Variants in FGF14 observed in about 807,000 individuals in gnomAD.
FGF14 encodes fibroblast growth factor 14.
In FGF14, 5 loss-of-function variants were observed where a neutral mutation model predicts 25.5. That is an observed-to-expected ratio of 0.20 (90% CI 0.10 to 0.41). FGF14 has a LOEUF of 0.41. Among genes scored for constraint, FGF14 ranks in the 10% least tolerant of loss-of-function variants. FGF14 has a pLI of 1.00. For synonymous variants in FGF14, 138 were observed against 118.3 expected, an observed-to-expected ratio of 1.17 and a Z score of -1.08; for missense variants, 222 against 320.1, an observed-to-expected ratio of 0.69 and a Z score of 2.34.
intron 1 of FGF14, among the ~76,000 whole-genome samples, chr13:101,883,458 C>T (rs2476222): frequency 0.34 from 51,528 of 151,984 alleles, 9,065 homozygotes; most frequent in African/African-American, 0.43. Flanking sequence ...GAGGCATTTA[C>T]TGTGAATCTA....
chr13:101,902,981 G>C (rs1347775607), intron 1 of FGF14, among the ~76,000 whole-genome samples: 1 of 152,160 alleles, frequency 6.6e-6, no homozygotes, highest in Non-Finnish European at 1.5e-5. Flanking sequence ...AAACTGGTTA[G>C]TATCCAGTGG....
intron 1 of FGF14, among the ~76,000 whole-genome samples, chr13:102,054,809 A>G (rs1240804392): frequency 6.6e-6 from 1 of 152,178 alleles, no homozygotes; most frequent in Non-Finnish European, 1.5e-5. Flanking sequence ...TTTTCTAGGT[A>G]GTTATCAGAG....
intron 1 of FGF14, among the ~76,000 whole-genome samples, chr13:102,375,841 A>G (rs1036174054): frequency 2.6e-5 from 4 of 152,238 alleles, no homozygotes; most frequent in Admixed American, 2.6e-4. Flanking sequence ...CTGCACATGT[A>G]AAATCAAAAA....
At chr13:101,805,953 T>C (rs1476636695) in intron 3 of FGF14, among the ~76,000 whole-genome samples, 2 of 152,028 alleles carry the variant, frequency 1.3e-5, no homozygotes, top group Admixed American at 6.6e-5. Context: ...AATTTAGGTA[T>C]ATAAATGTAT....
At chr13:101,879,613 T>C (rs1232965070) in intron 1 of FGF14, among the ~76,000 whole-genome samples, 2 of 152,304 alleles carry the variant, frequency 1.3e-5, no homozygotes, top group East Asian at 3.9e-4. Flanking sequence ...TGGAAAAATG[T>C]ACACTATGAC....
At chr13:102,048,513 G>C (rs1275628025) in intron 1 of FGF14, among the ~76,000 whole-genome samples, 2 of 152,150 alleles carry the variant, frequency 1.3e-5, no homozygotes, top group African/African-American at 4.8e-5. Flanking sequence ...TTAAGGCTTA[G>C]AAGTTCAGTG....
chr13:101,980,389 T>TGA (rs1403194379), intron 1 of FGF14, among the ~76,000 whole-genome samples: 1 of 151,824 alleles, frequency 6.6e-6, no homozygotes, highest in African/African-American at 2.4e-5. Flanking sequence ...TTTTCGATTA[T>TGA]GAGAGTGTTT....
intron 1 of FGF14, among the ~76,000 whole-genome samples, chr13:102,307,546 CT>C (rs1475934285): frequency 6.6e-6 from 1 of 152,054 alleles, no homozygotes. Flanking sequence ...TTTTTATGAA[CT>C]TTTAAGACTA....
chr13:102,095,999 GTGTA>G (rs201417066), intron 1 of FGF14, among the ~76,000 whole-genome samples: 6,550 of 89,524 alleles, frequency 0.073, 316 homozygotes, highest in Admixed American at 0.12. Context: ...GTGTGTGTGT[GTGTA>G]TATATATATA....
intron 3 of FGF14, among the ~76,000 whole-genome samples, chr13:101,848,871 T>C (rs1440797190): frequency 6.6e-6 from 1 of 152,070 alleles, no homozygotes; most frequent in Admixed American, 6.6e-5. Context: ...CTGTTTGGAA[T>C]TTAAAGAAAC....
At chr13:101,963,170 G>A (rs2036971829) in intron 1 of FGF14, among the ~76,000 whole-genome samples, 2 of 152,200 alleles carry the variant, frequency 1.3e-5, no homozygotes, top group South Asian at 4.1e-4. Context: ...AGAATGAAAT[G>A]TTGGTTTCTT....
chr13:101,944,008 A>C lies in FGF14; in HGVS notation c.209-68712T>G, dbSNP rs912664645. Among the ~76,000 whole-genome samples the C allele has an allele frequency of 4.6e-5, 6 of 131,252 alleles. No homozygotes were observed. The East Asian group carries it at 6.2e-4, about 14-fold the overall frequency. 86.1% of individuals were successfully genotyped at this position (131,252 alleles called of 152,430 possible). On this transcript the variant is annotated intron_variant, in intron 1 of 4. Transcript: ENST00000376131. The stretch of plus-strand genomic sequence containing the variant: ...AGTGAAACTCCGTCTCAAAAAAAAA[A>C]AAAAAACAAAAAAAAAACATGGTAA...
intron 1 of FGF14, among the ~76,000 whole-genome samples, chr13:102,275,081 T>G (rs1340789450): frequency 6.6e-6 from 1 of 152,054 alleles, no homozygotes. Context: ...TAGCACATAT[T>G]TGAAGCATTT....
chr13:101,819,750 A>C lies in FGF14; in HGVS notation c.408+48975T>G, dbSNP rs554682086. ...AATATGGATTTTTAGAATAGTTTTG[A>C]AGATACATGATAAATCAAATACATG... On this transcript the variant is annotated intron_variant, in intron 3 of 4. Transcript: ENST00000376143. Among the ~76,000 whole-genome samples, 154 of 152,328 alleles carry C rather than the reference A, an allele frequency of 1.0e-3. 1 individual carries two copies. Among genetic ancestry groups the C allele is most frequent in the African/African-American group, 3.5e-3 (144 of 41,582 alleles).
intron 1 of FGF14, among the ~76,000 whole-genome samples, chr13:102,184,464 A>G (rs911630720): frequency 3.3e-5 from 5 of 152,184 alleles, no homozygotes; most frequent in African/African-American, 9.7e-5. Flanking sequence ...GAGATTGATC[A>G]TGCTGATTGC....
chr13:102,127,770 A>C (rs2046009106), intron 1 of FGF14, among the ~76,000 whole-genome samples: 2 of 152,248 alleles, frequency 1.3e-5, no homozygotes, highest in Non-Finnish European at 2.9e-5. Context: ...GAATGAAGTG[A>C]CTAAAATAAA....
intron 1 of FGF14, among the ~76,000 whole-genome samples, chr13:102,086,525 G>C (rs1157116437): frequency 1.3e-5 from 2 of 151,318 alleles, no homozygotes; most frequent in Non-Finnish European, 2.9e-5. Flanking sequence ...GAGAGACTCC[G>C]TCTCAAAAAA....
intron 1 of FGF14, among the ~76,000 whole-genome samples, chr13:102,030,996 A>T (rs542118440): frequency 6.6e-6 from 1 of 152,122 alleles, no homozygotes; most frequent in Non-Finnish European, 1.5e-5. Context: ...TAAGCACAGG[A>T]TGTTTGGCAA....
intron 3 of FGF14, among the ~76,000 whole-genome samples, chr13:101,785,285 C>T (rs896474123): frequency 1.4e-4 from 21 of 150,948 alleles, no homozygotes; most frequent in Admixed American, 2.6e-4. Context: ...GGGTTAGCAA[C>T]CCCAGCTGAT....
Sources: gnomAD v4.1 joint callset for allele counts (sites outside exome capture counted in the v4.1 genomes callset) on GRCh38, gnomAD v4.1.1 for gene constraint, MANE v1.5 for transcripts, NCBI Gene and HGNC (gene_info 2026-07-23, HGNC 2026-07-21) for gene names.